The following WDR1 variants were observed in gnomAD, a reference collection of about 807,000 sequenced individuals.
WDR1 encodes WD repeat-containing protein 1.
Under a neutral mutation model 71.9 loss-of-function variants are expected in WDR1, and 21 were observed. The ratio of observed to expected loss-of-function variants is 0.29; its 90% CI spans 0.21 to 0.42. The LOEUF (loss-of-function observed/expected upper bound fraction) is 0.42. WDR1 is among the 10% of genes least tolerant of loss of function. WDR1 has a pLI of 1.00. For synonymous variants in WDR1, 424 were observed against 347.4 expected (o/e 1.22, Z -2.45); for missense variants, 696 against 824.5 (o/e 0.84, Z 1.91).
intron 8 of WDR1, among the ~76,000 whole-genome samples, chr4:10,086,723 C>A (rs560354786): frequency 6.6e-6 from 1 of 152,168 alleles, no homozygotes; most frequent in South Asian, 2.1e-4. Context: ...GGTTTGTCTC[C>A]CCGAGTGGCT....
chr4:10,085,890 G>T (rs1711520319), intron 8 of WDR1, among the ~76,000 whole-genome samples: 1 of 152,200 alleles, frequency 6.6e-6, no homozygotes, highest in African/African-American at 2.4e-5. Flanking sequence ...TTGGGACATG[G>T]GGGTTTTGAC....
intron 8 of WDR1, among the ~76,000 whole-genome samples, chr4:10,086,582 G>A (rs1420138756): frequency 1.3e-5 from 2 of 152,150 alleles, no homozygotes; most frequent in South Asian, 2.1e-4. Flanking sequence ...AGCACAGCAC[G>A]GGCCGAGTGC....
chr4:10,090,402 G>A (rs187579457), intron 5 of WDR1, among the ~76,000 whole-genome samples: 51 of 152,306 alleles, frequency 3.3e-4, no homozygotes, highest in African/African-American at 1.1e-3. Flanking sequence ...CACAAAGTCC[G>A]TCAGAGTCAG....
chr4:10,078,841 T>C, intron 12 of WDR1, 50 bp downstream of exon 12: 5 of 1,508,992 alleles, frequency 3.3e-6, no homozygotes, highest in Non-Finnish European at 4.6e-6. Context: ...TGTCCCCAAA[T>C]CACCCAGATA....
intron 2 of WDR1, among the ~76,000 whole-genome samples, chr4:10,110,824 A>T (rs4533774): frequency 0.48 from 73,188 of 152,030 alleles, 17,928 homozygotes; most frequent in East Asian, 0.63. Flanking sequence ...TTTGGCCACA[A>T]CCCTGACTTC....
chr4:10,088,411 G>T, intron 6 of WDR1, 38 bp from the exon 7 acceptor site: 1 of 1,533,176 alleles, frequency 6.5e-7, no homozygotes, highest in South Asian at 1.2e-5. Context: ...ATGTGTGTGT[G>T]AACACCCTCT....
rs932281439 is a variant in WDR1, at chr4:10,077,310, T to G, written c.1708A>C (p.Ile570Leu). The G allele has an allele frequency of 6.2e-7, 1 of 1,613,818 alleles. No homozygotes were observed. Among genetic ancestry groups the G allele is most frequent in the African/African-American group, 1.3e-5 (1 of 74,924 alleles). ...GCCTGGGGGCGGAAGTCACCTTGGA[T>G]CTTGACTCTGGTTTCCGGGTCACTC... ...TLSDPETRVK[I>L]QDAHRLHHVS... The change falls in exon 14 of 15, where the codon ATC (isoleucine) becomes CTC (leucine). Residue 570 changes from isoleucine (I) to leucine (L), a missense_variant. Coordinates refer to ENST00000499869, the MANE Select transcript of WDR1 (RefSeq NM_017491.5).
intron 12 of WDR1, 106 bp from the exon 13 acceptor site, chr4:10,078,032 G>A (rs62288515): frequency 2.3e-5 from 31 of 1,339,636 alleles, no homozygotes; most frequent in Non-Finnish European, 2.7e-5. Context: ...CGTTCCCACT[G>A]ACTGCTGCTC....
intron 2 of WDR1, among the ~76,000 whole-genome samples, chr4:10,114,086 C>G (rs1027793971): frequency 6.6e-6 from 1 of 152,166 alleles, no homozygotes; most frequent in South Asian, 2.1e-4. Context: ...ATCGTACCCA[C>G]CTTTACTTGA....
chr4:10,103,882 C>A lies in WDR1; in HGVS notation c.229+14G>T, dbSNP rs1037059260. On this transcript the variant is annotated intron_variant, in intron 3 of 14. Transcript: ENST00000499869. ...CCCCCACAGGTGTCCACGAGCCTTG[C>A]CCCCATACAGTACCTCCGGAGGCAA... 1 of 1,554,862 alleles carries A rather than the reference C, an allele frequency of 6.4e-7. No homozygotes were observed. Among genetic ancestry groups the A allele is most frequent in the Non-Finnish European group, 8.7e-7 (1 of 1,148,898 alleles).
chr4:10,107,067 A>G (rs1371643441), intron 2 of WDR1, among the ~76,000 whole-genome samples: 5 of 152,152 alleles, frequency 3.3e-5, no homozygotes, highest in East Asian at 3.9e-4. Flanking sequence ...GGAAAACGAG[A>G]CAGGGAGGGC....
At chr4:10,088,529 G>A (rs1379562657) in intron 6 of WDR1, 135 bp downstream of exon 6, 12 of 1,104,946 alleles carry the variant, frequency 1.1e-5, no homozygotes, top group South Asian at 5.3e-5. Flanking sequence ...CTCTGACGAC[G>A]AGTCTGCAGA....
In WDR1 at chr4:10,077,888, C is replaced by T. The variant is rs755800486; in HGVS notation, c.1434G>A (p.Thr478=). 4.3e-6 allele frequency: 7 copies of T among 1,611,196 alleles called. No individual in the cohort carries two copies. In the African/African-American group the frequency reaches 5.3e-5, roughly 12 times the overall value. ...NVRLYSILGT[T]LKDEGKLLEA... ...CTAGGAGCTTGCCCTCATCCTTCAG[C>T]GTGGTGCCCAGGATGGAATACAGGC... is the stretch of plus-strand genomic sequence containing the variant. The change falls in exon 13 of 15, where the codon ACG becomes ACA. Residue 478 remains threonine (T), a synonymous_variant. Coordinates refer to ENST00000499869, the MANE Select transcript of WDR1 (RefSeq NM_017491.5).
At chr4:10,091,998 A>C (rs1712022135) in intron 5 of WDR1, 1 of 152,302 alleles carries the variant, frequency 6.6e-6, no homozygotes. Flanking sequence ...CACAACCTTG[A>C]CCATGACATA....
chr4:10,083,898 G>A (rs1229227291), intron 9 of WDR1, among the ~76,000 whole-genome samples: 1 of 152,230 alleles, frequency 6.6e-6, no homozygotes, highest in Non-Finnish European at 1.5e-5. Context: ...CACCTCCAGG[G>A]AACATCACCG....
chr4:10,077,272 G>A, intron 14 of WDR1, 32 bp downstream of exon 14: 1 of 1,612,796 alleles, frequency 6.2e-7, no homozygotes, highest in South Asian at 1.1e-5. Flanking sequence ...AACCATGGGT[G>A]GTCCCTGCCA....
At chr4:10,116,563 C>T (rs1307185632) in intron 1 of WDR1, 88 bp downstream of exon 1, 15 of 1,043,350 alleles carry the variant, frequency 1.4e-5, no homozygotes, top group Middle Eastern at 8.1e-4. Context: ...CCGAGGACTC[C>T]CCCGCCACCC....
Position 10,098,997 on chromosome 4 carries a change from C to T in WDR1, c.372G>A (p.Arg124=), listed in dbSNP as rs1175919317. Residue 124 remains arginine (R), a synonymous_variant, in exon 4 of 15, where the codon AGG becomes AGA. Transcript: ENST00000499869. ...GGCTGAGAGGAGTGACTCACTTCTC[C>T]CTTCCTTCCCCGACCACGGCGATCC... ...SKRIAVVGEG[R]EKFGAVFLWD... The T allele has an allele frequency of 6.2e-7, 1 of 1,613,890 alleles. No individual in the cohort carries two copies. Among genetic ancestry groups the T allele is most frequent in the Admixed American group, 1.7e-5 (1 of 60,008 alleles).
intron 5 of WDR1, chr4:10,093,191 C>G (rs1490426948): frequency 7.8e-7 from 1 of 1,274,914 alleles, no homozygotes; most frequent in African/African-American, 1.5e-5. Context: ...CTCAGGAACC[C>G]TCTGGGAGCC....
Sources: allele counts gnomAD v4.1 joint callset (sites outside exome capture counted in the v4.1 genomes callset), GRCh38; gene constraint gnomAD v4.1.1; transcripts MANE v1.5; gene names NCBI Gene and HGNC (gene_info 2026-07-23, HGNC 2026-07-21).